The following PAIP2B variants were observed in gnomAD, a reference collection of about 807,000 sequenced individuals.
The protein encoded by PAIP2B is polyadenylate-binding protein-interacting protein 2B.
In PAIP2B, 13 loss-of-function variants were observed where a neutral mutation model predicts 17.0. That is an observed-to-expected ratio of 0.76 (90% CI 0.50 to 1.22). The LOEUF is 1.22. Ranked by LOEUF, PAIP2B falls within the 50% of genes most tolerant of loss-of-function variation. PAIP2B has a pLI of 0.00. For synonymous variants in PAIP2B, 43 were observed against 48.7 expected, an observed-to-expected ratio of 0.88 and a Z score of 0.48; for missense variants, 117 against 144.5, an observed-to-expected ratio of 0.81 and a Z score of 0.98.
intron 2 of PAIP2B, among the ~76,000 whole-genome samples, chr2:71,194,900 C>A (rs995128689): frequency 1.2e-4 from 19 of 152,062 alleles, no homozygotes; most frequent in Non-Finnish European, 2.1e-4. Flanking sequence ...GAGGTATATT[C>A]CTTCAATACC....
chr2:71,224,561 G>T (rs1268895681), intron 1 of PAIP2B, among the ~76,000 whole-genome samples: 1 of 152,194 alleles, frequency 6.6e-6, no homozygotes, highest in African/African-American at 2.4e-5. Context: ...GAAAAGGCTT[G>T]CAAGGAGAGA....
Position 71,190,034 on chromosome 2 carries a change from G to A in PAIP2B, c.139-13C>T, listed in dbSNP as rs746770783. 1.3e-5 allele frequency: 21 copies of A among 1,605,496 alleles called. No individual in the cohort carries two copies. In the African/African-American group the frequency reaches 2.1e-4, roughly 16 times the overall value. On this transcript the variant is annotated splice_polypyrimidine_tract_variant and intron_variant, in intron 2 of 3. Coordinates refer to ENST00000244221, the MANE Select transcript of PAIP2B (RefSeq NM_020459.1). ...GTTCCTCCTCCACCTAGCAAGCAAAGGGGAGCAGCTCAGACTTACTGTCAC... is the reference window on the plus strand; with the variant it reads ...GTTCCTCCTCCACCTAGCAAGCAAAAGGGAGCAGCTCAGACTTACTGTCAC...
At chr2:71,192,711 A>G (rs1044909742) in intron 2 of PAIP2B, among the ~76,000 whole-genome samples, 1 of 152,092 alleles carries the variant, frequency 6.6e-6, no homozygotes, top group African/African-American at 2.4e-5. Context: ...TTCCTGTGTT[A>G]GTTTGCTAAG....
intron 2 of PAIP2B, among the ~76,000 whole-genome samples, chr2:71,197,168 T>C (rs72622621): frequency 0.13 from 19,373 of 152,210 alleles, 1,397 homozygotes; most frequent in South Asian, 0.3. Context: ...TTCCTTTCTA[T>C]ATTTAGTGCT....
In PAIP2B at chr2:71,193,836, C is replaced by CAA. The variant is rs34132481; in HGVS notation, c.139-3817_139-3816dup. 4.9e-4 allele frequency among the ~76,000 whole-genome samples: 70 copies of CAA among 141,628 alleles called. 1 individual carries two copies. Among genetic ancestry groups the CAA allele is most frequent in the African/African-American group, 1.7e-3 (66 of 38,466 alleles). The allele number at this position is 141,628 out of a possible 152,430, so 92.9% of individuals were successfully genotyped here. On this transcript the variant is annotated intron_variant, in intron 2 of 3. Coordinates refer to ENST00000244221, the MANE Select transcript of PAIP2B (RefSeq NM_020459.1). ...TGGGCTACAGAGCAAGACTCTGTCC[C>CAA]AAAAAAAAAAAAAGTTTTGGGTTTT... is the stretch of plus-strand genomic sequence containing the variant.
chr2:71,206,820 A>T (rs1206079817), intron 1 of PAIP2B, among the ~76,000 whole-genome samples: 1 of 152,256 alleles, frequency 6.6e-6, no homozygotes, highest in Non-Finnish European at 1.5e-5. Context: ...GAACAACTGA[A>T]ATAAAAACTA....
At chr2:71,191,092 G>A (rs1007944318) in intron 2 of PAIP2B, among the ~76,000 whole-genome samples, 1 of 152,134 alleles carries the variant, frequency 6.6e-6, no homozygotes, top group Admixed American at 6.5e-5. Flanking sequence ...CAGTGTCTTT[G>A]ATAGGCCTCT....
At chr2:71,201,181 T>G (rs186153653) in intron 2 of PAIP2B, among the ~76,000 whole-genome samples, 2 of 152,314 alleles carry the variant, frequency 1.3e-5, no homozygotes, top group East Asian at 1.9e-4. Flanking sequence ...CTAATAGCCC[T>G]GGTGCAATCC....
At position 71,183,646 on chromosome 2, in the gene PAIP2B, A is replaced by C. The variant is rs1283548589; in HGVS notation, c.*4833T>G. ...ACGTTATCTGTCATGGACAAACCTC[A>C]AAAACATTAGCTAAGTAAAAAAGCC... is the stretch of plus-strand genomic sequence containing the variant. On this transcript the variant is annotated 3_prime_UTR_variant, in exon 4 of 4. Coordinates refer to ENST00000244221, the MANE Select transcript of PAIP2B (RefSeq NM_020459.1). 6.6e-6 allele frequency: 1 copy of C among 152,052 alleles called. No individual in the cohort carries two copies. Among genetic ancestry groups the C allele is most frequent in the Non-Finnish European group, 1.5e-5 (1 of 68,022 alleles). 9.4% of individuals were successfully genotyped at this position (152,052 alleles called of 1,614,324 possible).
Position 71,190,706 on chromosome 2 carries a change from C to A in PAIP2B, c.139-685G>T, listed in dbSNP as rs538121551. 1.2e-4 allele frequency among the ~76,000 whole-genome samples: 19 copies of A among 152,118 alleles called. No individual in the cohort carries two copies. In the East Asian group the frequency reaches 3.3e-3, roughly 26 times the overall value. ...TTCTCAGTCTTGTTACAAAGTAACC[C>A]TTCTTAAATTTCCCATTTTATAAGA... On this transcript the variant is annotated intron_variant, in intron 2 of 3. Coordinates refer to ENST00000244221, the MANE Select transcript of PAIP2B (RefSeq NM_020459.1).
At chr2:71,188,740 G>A (rs1000012521) in intron 3 of PAIP2B, among the ~76,000 whole-genome samples, 1 of 152,056 alleles carries the variant, frequency 6.6e-6, no homozygotes, top group African/African-American at 2.4e-5. Context: ...TTGGACTCTT[G>A]TTTCCTTCCT....
intron 1 of PAIP2B, among the ~76,000 whole-genome samples, chr2:71,209,721 T>C (rs1675241850): frequency 2.6e-5 from 4 of 152,240 alleles, no homozygotes; most frequent in Non-Finnish European, 2.9e-5. Context: ...GTTTATTCTT[T>C]CAGTTTTTCA....
In PAIP2B at chr2:71,188,475, C is replaced by T. The variant is rs531088692; in HGVS notation, c.*4G>A. 3.8e-5 allele frequency: 61 copies of T among 1,606,110 alleles called. No individual in the cohort carries two copies. The highest frequency in any genetic ancestry group is 1.1e-4 in the South Asian group (10 of 89,524). ...AGACAAGTCTTCCTCAAAGCTTTCT[C>T]GGCTCAGTACTTCTCTCCTGGAATA... On this transcript the variant is annotated 3_prime_UTR_variant, in exon 4 of 4. Transcript: ENST00000244221.
At chr2:71,194,548 G>T (rs1318400525) in intron 2 of PAIP2B, among the ~76,000 whole-genome samples, 1 of 151,818 alleles carries the variant, frequency 6.6e-6, no homozygotes, top group Non-Finnish European at 1.5e-5. Context: ...GTGGTTGTTG[G>T]TGTATAGGAA....
chr2:71,206,363 A>G (rs937664012), intron 1 of PAIP2B, among the ~76,000 whole-genome samples: 19 of 152,152 alleles, frequency 1.2e-4, no homozygotes, highest in African/African-American at 4.6e-4. Flanking sequence ...CCTTCACCCC[A>G]CTTTCCCTCT....
chr2:71,209,828 C>CT (rs35505740), intron 1 of PAIP2B, among the ~76,000 whole-genome samples: 14,319 of 147,426 alleles, frequency 0.097, 717 homozygotes, highest in South Asian at 0.12. Flanking sequence ...TCACATAGAA[C>CT]TTTTTTTTTT....
chr2:71,213,412 T>C (rs1373224712), intron 1 of PAIP2B, among the ~76,000 whole-genome samples: 1 of 152,180 alleles, frequency 6.6e-6, no homozygotes, highest in African/African-American at 2.4e-5. Flanking sequence ...AAAAGCTCTT[T>C]GAAAGTTAAT....
intron 1 of PAIP2B, among the ~76,000 whole-genome samples, chr2:71,216,594 A>G (rs1675435816): frequency 6.6e-6 from 1 of 152,214 alleles, no homozygotes; most frequent in Non-Finnish European, 1.5e-5. Context: ...TCAAAAATGT[A>G]GTCTCTGGAC....
intron 1 of PAIP2B, among the ~76,000 whole-genome samples, chr2:71,221,941 T>C (rs1477663503): frequency 1.3e-5 from 2 of 152,146 alleles, no homozygotes; most frequent in Non-Finnish European, 2.9e-5. Flanking sequence ...AAGGGCACTC[T>C]TGATAGCCCA....
Sources: gnomAD v4.1 joint callset for allele counts (sites outside exome capture counted in the v4.1 genomes callset) on GRCh38, gnomAD v4.1.1 for gene constraint, MANE v1.5 for transcripts, NCBI Gene and HGNC (gene_info 2026-07-23, HGNC 2026-07-21) for gene names.